Variants in LARGE1 observed in about 807,000 individuals in gnomAD.
LARGE1 encodes the protein xylosyl- and glucuronyltransferase LARGE1.
Under a neutral mutation model 87.6 loss-of-function variants are expected in LARGE1, and 43 were observed. The observed-to-expected ratio is 0.49, with a 90% CI of 0.38 to 0.63. The LOEUF (loss-of-function observed/expected upper bound fraction) is 0.63, where lower values mean the gene tolerates loss of function less well. Among genes scored for constraint, LARGE1 ranks in the 30% least tolerant of loss-of-function variants. The pLI is 0.00. For missense variants in LARGE1, 802 were observed against 1,000.2 expected (o/e 0.80, Z 2.67); for synonymous variants, 434 against 394.6 (o/e 1.10, Z -1.18).
At chr22:33,854,212 GAA>G (rs67771177) in intron 1 of LARGE1, among the ~76,000 whole-genome samples, 2,141 of 72,648 alleles carry the variant, frequency 0.029, 42 homozygotes, top group African/African-American at 0.1. Flanking sequence ...CACTTAAGGG[GAA>G]AAAAAAAAAA....
rs1304846580 is a variant in LARGE1, at chr22:33,398,743, C to T, written c.893-14439G>A. On this transcript the variant is annotated intron_variant, in intron 7 of 14. Coordinates refer to ENST00000397394, the MANE Select transcript of LARGE1 (RefSeq NM_133642.5). The stretch of plus-strand genomic sequence containing the variant: ...ATAGTGGATTAGAGTAGACTCCAAT[C>T]CAATGGCTAGTGTCCTTATAAGAAG... Among the ~76,000 whole-genome samples, 3 of 152,102 alleles carry T rather than the reference C, an allele frequency of 2.0e-5. No homozygotes were observed. The East Asian group carries it at 5.8e-4, about 29-fold the overall frequency.
chr22:33,581,679 G>A (rs1049708522), intron 5 of LARGE1, among the ~76,000 whole-genome samples: 1 of 151,978 alleles, frequency 6.6e-6, no homozygotes, highest in African/African-American at 2.4e-5. Flanking sequence ...GGGGGTGGTG[G>A]CACGTGCCTG....
intron 7 of LARGE1, among the ~76,000 whole-genome samples, chr22:33,419,914 G>A (rs1209637477): frequency 2.6e-5 from 4 of 152,004 alleles, no homozygotes; most frequent in Admixed American, 1.3e-4. Context: ...GGCTGGTCTC[G>A]AACTCCTGAC....
At chr22:33,557,427 G>A (rs549356229) in intron 6 of LARGE1, among the ~76,000 whole-genome samples, 26 of 152,190 alleles carry the variant, frequency 1.7e-4, no homozygotes, top group Non-Finnish European at 3.1e-4. Context: ...AGGGTACAAG[G>A]AGGAAATAAT....
intron 6 of LARGE1, among the ~76,000 whole-genome samples, chr22:33,519,220 G>A (rs1411255108): frequency 6.3e-5 from 8 of 126,864 alleles, no homozygotes. Flanking sequence ...TCCCTGAGCT[G>A]CGTGCGTGCG....
intron 3 of LARGE1, among the ~76,000 whole-genome samples, chr22:33,631,394 G>A (rs144765940): frequency 2.0e-4 from 31 of 152,234 alleles, no homozygotes; most frequent in African/African-American, 6.5e-4. Context: ...TTGTACAGCT[G>A]TATGAAAATA....
intron 2 of LARGE1, among the ~76,000 whole-genome samples, chr22:33,748,151 T>A (rs1232505239): frequency 1.3e-5 from 2 of 150,702 alleles, no homozygotes; most frequent in Admixed American, 6.6e-5. Context: ...TTTTTTTTTT[T>A]AGACAGAGTC....
At chr22:33,860,487 A>G (rs2063884456) in intron 1 of LARGE1, among the ~76,000 whole-genome samples, 1 of 152,132 alleles carries the variant, frequency 6.6e-6, no homozygotes, top group South Asian at 2.1e-4. Flanking sequence ...AAGGGCCTGG[A>G]GGGGCAATCC....
intron 2 of LARGE1, among the ~76,000 whole-genome samples, chr22:33,750,402 T>A (rs2084268164): frequency 6.6e-6 from 1 of 152,088 alleles, no homozygotes; most frequent in South Asian, 2.1e-4. Context: ...AGCAACAAAT[T>A]CAAAAATGGT....
intron 6 of LARGE1, among the ~76,000 whole-genome samples, chr22:33,531,467 T>C (rs559928382): frequency 6.6e-6 from 1 of 152,302 alleles, no homozygotes; most frequent in Admixed American, 6.5e-5. Flanking sequence ...CAGCATTCTT[T>C]TGAATTATAT....
chr22:33,865,050 T>C (rs1252502234), intron 1 of LARGE1, among the ~76,000 whole-genome samples: 2 of 152,192 alleles, frequency 1.3e-5, no homozygotes, highest in African/African-American at 4.8e-5. Flanking sequence ...CAGAACACGT[T>C]TGGATGCACT....
chr22:33,093,740 C>A, the LARGE1 span, among the ~76,000 whole-genome samples: 1 of 151,122 alleles, frequency 6.6e-6, no homozygotes, highest in Middle Eastern at 3.2e-3. Context: ...AAATTCTATT[C>A]TGCACTGGGT....
chr22:33,920,309 G>C lies in LARGE1; in HGVS notation c.-397C>G, dbSNP rs114106875. 10,747 of 152,410 alleles carry C rather than the reference G, an allele frequency of 0.071. 425 individuals carry two copies. The highest frequency in any genetic ancestry group is 0.087 in the Middle Eastern group (26 of 298). The allele number at this position is 152,410 out of a possible 1,614,324, so 9.4% of individuals were successfully genotyped here. On this transcript the variant is annotated 5_prime_UTR_variant, in exon 1 of 15. Transcript: ENST00000397394. Reference sequence around the variant, plus strand: ...GGGCAGGGGCCTGGGTCAGCCTCGGGTTGGGTCCAGGGAGCGACCGCCGGG... The same window carrying C: ...GGGCAGGGGCCTGGGTCAGCCTCGGCTTGGGTCCAGGGAGCGACCGCCGGG...
chr22:33,665,657 C>A (rs1310059210), intron 2 of LARGE1, among the ~76,000 whole-genome samples: 2 of 152,118 alleles, frequency 1.3e-5, no homozygotes, highest in African/African-American at 4.8e-5. Flanking sequence ...CTTTGGGAGG[C>A]TGAGGCAGGC....
chr22:33,183,624 A>ACACACG (rs1923303921), intron 11 of LARGE1, among the ~76,000 whole-genome samples: 2 of 102,526 alleles, frequency 2.0e-5, no homozygotes, highest in Admixed American at 2.0e-4. Context: ...ACACACGCAC[A>ACACACG]CACACACACA....
At chr22:33,194,785 C>T (rs148220401) in intron 11 of LARGE1, among the ~76,000 whole-genome samples, 280 of 152,222 alleles carry the variant, frequency 1.8e-3, no homozygotes, top group African/African-American at 6.5e-3. Context: ...ATTCCAACTG[C>T]GTAATCTTAC....
At position 33,256,888 on chromosome 22, in the gene LARGE1, G is replaced by A. The variant is rs543092659; in HGVS notation, c.1730+47341C>T. ...TTCAAATTTCTGGGTTTACTCCAAA[G>A]CTGGTGATCACACAGATCATTAAAA... On this transcript the variant is annotated intron_variant, in intron 11 of 11. Coordinates refer to the LARGE1 transcript ENST00000608642. Among the ~76,000 whole-genome samples the A allele has an allele frequency of 2.6e-5, 4 of 152,282 alleles. No homozygotes were observed. The South Asian group carries it at 8.3e-4, about 32-fold the overall frequency.
chr22:33,719,674 C>T (rs2083030012), intron 2 of LARGE1, among the ~76,000 whole-genome samples: 1 of 152,080 alleles, frequency 6.6e-6, no homozygotes, highest in African/African-American at 2.4e-5. Context: ...GTGCCCACCA[C>T]AACGCCTGGC....
At chr22:33,270,347 T>C (rs1361532231), downstream of LARGE1, among the ~76,000 whole-genome samples, 1 of 152,150 alleles carries the variant, frequency 6.6e-6, no homozygotes, top group Non-Finnish European at 1.5e-5. Context: ...ATGAAGTACA[T>C]GAAGATACGA....
Sources: gnomAD v4.1 joint callset for allele counts (sites outside exome capture counted in the v4.1 genomes callset) on GRCh38, gnomAD v4.1.1 for gene constraint, MANE v1.5 for transcripts, NCBI Gene and HGNC (gene_info 2026-07-23, HGNC 2026-07-21) for gene names.